SPON1: variants seen among roughly 807,000 people sequenced by gnomAD.
SPON1 encodes the protein spondin-1.
SPON1 carries 52 observed loss-of-function variants against 111.7 expected under a neutral mutation model. That is an observed-to-expected ratio of 0.47 (90% CI 0.37 to 0.59). The LOEUF (loss-of-function observed/expected upper bound fraction) is 0.59. Ranked by LOEUF, SPON1 falls within the 20% of genes least tolerant of loss-of-function variation. SPON1 has a pLI of 0.00. For missense variants in SPON1, 957 were observed against 1,068.5 expected, an observed-to-expected ratio of 0.90 and a Z score of 1.46; for synonymous variants, 410 against 395.8, an observed-to-expected ratio of 1.04 and a Z score of -0.43.
At chr11:14,189,829 T>TAAA (rs1353766283) in intron 6 of SPON1, among the ~76,000 whole-genome samples, 4 of 152,182 alleles carry the variant, frequency 2.6e-5, no homozygotes, top group African/African-American at 7.2e-5. Context: ...AAGAGAAGAC[T>TAAA]AAAATGTTAT....
chr11:14,142,006 T>A (rs538666361), intron 6 of SPON1, among the ~76,000 whole-genome samples: 1 of 152,316 alleles, frequency 6.6e-6, no homozygotes, highest in African/African-American at 2.4e-5. Context: ...CAAGATTTCC[T>A]GAGTTCAAAT....
At chr11:13,964,342 C>A (rs1269465402) in intron 1 of SPON1, among the ~76,000 whole-genome samples, 1 of 152,176 alleles carries the variant, frequency 6.6e-6, no homozygotes, top group Non-Finnish European at 1.5e-5. Flanking sequence ...AAATGGGCTC[C>A]CAGCTGCTGT....
intron 5 of SPON1, among the ~76,000 whole-genome samples, chr11:14,096,450 C>T (rs782029907): frequency 3.3e-5 from 5 of 152,184 alleles, no homozygotes; most frequent in Admixed American, 6.5e-5. Context: ...GGGAGGGTGA[C>T]GTCGAGGGAT....
intron 6 of SPON1, among the ~76,000 whole-genome samples, chr11:14,169,531 T>G (rs1399948104): frequency 2.0e-5 from 3 of 151,856 alleles, no homozygotes; most frequent in African/African-American, 7.3e-5. Flanking sequence ...TTTTGGCTTT[T>G]GTTGCCATTG....
At chr11:14,010,473 T>G (rs900475865) in intron 2 of SPON1, among the ~76,000 whole-genome samples, 6 of 151,962 alleles carry the variant, frequency 3.9e-5, no homozygotes, top group Non-Finnish European at 7.4e-5. Context: ...TGAGGCCAAG[T>G]GAAGGTGAAG....
At chr11:13,978,292 C>T (rs1253302653) in intron 1 of SPON1, among the ~76,000 whole-genome samples, 3 of 152,030 alleles carry the variant, frequency 2.0e-5, no homozygotes, top group African/African-American at 4.8e-5. Context: ...AAAGAGCATA[C>T]TGGGATTTTA....
Position 14,224,718 on chromosome 11 carries a change from G to A in SPON1, c.826-18614G>A, listed in dbSNP as rs782017585. ...GATGAAGATGAGGATGGTGGTGGCT[G>A]GCATAAAGGATACACATAAGGGTGA... On this transcript the variant is annotated intron_variant, in intron 6 of 15. Coordinates refer to ENST00000576479, the MANE Select transcript of SPON1 (RefSeq NM_006108.4). 3.0e-5 allele frequency: 15 copies of A among 494,428 alleles called. No homozygotes were observed. In the East Asian group the frequency reaches 7.3e-4, roughly 24 times the overall value. The allele number at this position is 494,428 out of a possible 1,614,324, so 30.6% of individuals were successfully genotyped here. A position where few individuals can be genotyped will look rare whatever the true frequency, so the allele number is the denominator to read the frequency against.
chr11:14,235,978 C>T (rs1282271041), intron 6 of SPON1, among the ~76,000 whole-genome samples: 2 of 152,008 alleles, frequency 1.3e-5, no homozygotes, highest in African/African-American at 2.4e-5. Context: ...TCCAGGATGC[C>T]GAAACCCAGG....
chr11:14,188,992 A>G (rs1352636980), intron 6 of SPON1, among the ~76,000 whole-genome samples: 1 of 152,218 alleles, frequency 6.6e-6, no homozygotes, highest in Non-Finnish European at 1.5e-5. Flanking sequence ...TTAGAAAGAA[A>G]TTTGGCTTTC....
At chr11:14,028,625 C>T (rs781952322) in intron 2 of SPON1, among the ~76,000 whole-genome samples, 1 of 152,170 alleles carries the variant, frequency 6.6e-6, no homozygotes, top group Non-Finnish European at 1.5e-5. Context: ...AGGCTCTAGG[C>T]ACTCAAGATG....
At chr11:14,007,380 A>G (rs1160571242) in intron 2 of SPON1, among the ~76,000 whole-genome samples, 1 of 152,220 alleles carries the variant, frequency 6.6e-6, no homozygotes. Context: ...CCAAAACTGA[A>G]GAACTTGGAG....
chr11:14,091,031 T>G (rs1849050916), intron 5 of SPON1, among the ~76,000 whole-genome samples: 1 of 151,960 alleles, frequency 6.6e-6, no homozygotes, highest in Non-Finnish European at 1.5e-5. Flanking sequence ...TGTCGATTGG[T>G]GCACTCACAA....
intron 6 of SPON1, among the ~76,000 whole-genome samples, chr11:14,171,115 A>T (rs1554932408): frequency 6.6e-6 from 1 of 152,080 alleles, no homozygotes; most frequent in Non-Finnish European, 1.5e-5. Flanking sequence ...CTGTGAATCT[A>T]TCTGGTCCTG....
At chr11:14,257,975 T>A in intron 11 of SPON1, 77 bp downstream of exon 11, 1 of 1,375,974 alleles carries the variant, frequency 7.3e-7, no homozygotes, top group Non-Finnish European at 9.6e-7. Context: ...TCAGACAGTG[T>A]CCCTGGTGAG....
intron 7 of SPON1, among the ~76,000 whole-genome samples, chr11:14,250,288 AAATT>A (rs1419901841): frequency 1.3e-5 from 2 of 151,672 alleles, no homozygotes; most frequent in African/African-American, 4.8e-5. Context: ...AAAGTTGAAA[AAATT>A]AATATTTCTC....
intron 5 of SPON1, among the ~76,000 whole-genome samples, chr11:14,109,816 C>T (rs782119431): frequency 6.6e-5 from 10 of 152,072 alleles, no homozygotes; most frequent in Non-Finnish European, 1.3e-4. Context: ...AGGGTAGAAA[C>T]TGACACCTTC....
At chr11:14,264,109 C>CATG (rs1237922176) in intron 15 of SPON1, among the ~76,000 whole-genome samples, 1 of 151,842 alleles carries the variant, frequency 6.6e-6, no homozygotes, top group African/African-American at 2.4e-5. Context: ...TGCCAAAGAC[C>CATG]ATGATAGGTC....
chr11:13,975,021 C>T (rs1848091193), intron 1 of SPON1, among the ~76,000 whole-genome samples: 1 of 152,250 alleles, frequency 6.6e-6, no homozygotes, highest in East Asian at 1.9e-4. Flanking sequence ...CTTCATTCAA[C>T]TTACAACACA....
At chr11:14,004,158 C>T (rs1848341356) in intron 2 of SPON1, among the ~76,000 whole-genome samples, 2 of 152,050 alleles carry the variant, frequency 1.3e-5, no homozygotes, top group African/African-American at 4.8e-5. Flanking sequence ...CACACAGACA[C>T]ACACACACAC....
Sources: gnomAD v4.1 joint callset for allele counts (sites outside exome capture counted in the v4.1 genomes callset) on GRCh38, gnomAD v4.1.1 for gene constraint, MANE v1.5 for transcripts, NCBI Gene and HGNC (gene_info 2026-07-23, HGNC 2026-07-21) for gene names.